The following RPA3 variants were observed in gnomAD, a reference collection of about 807,000 sequenced individuals.
The protein encoded by RPA3 is replication protein A 14 kDa subunit.
Under a neutral mutation model 13.7 loss-of-function variants are expected in RPA3, and 24 were observed. The ratio of observed to expected loss-of-function variants is 1.75; its 90% CI spans 1.27 to 2.46. The LOEUF (loss-of-function observed/expected upper bound fraction) is 2.46, where lower values mean the gene tolerates loss of function less well. Among genes scored for constraint, RPA3 ranks in the 30% most tolerant of loss-of-function variants. The probability of loss-of-function intolerance (pLI) is 0.00; values close to 1 mark genes in which losing one functional copy is unlikely to be tolerated. For synonymous variants in RPA3, 59 were observed against 51.2 expected (o/e 1.15, Z -0.65); for missense variants, 183 against 151.0 (o/e 1.21, Z -1.11).
chr7:7,671,577 G>A (rs1544456), intron 4 of RPA3, among the ~76,000 whole-genome samples: 124,533 of 152,144 alleles, frequency 0.82, 51,366 homozygotes, highest in Non-Finnish European at 0.88. Flanking sequence ...TGTGTAAGTC[G>A]TTTAATTTGA....
intron 4 of RPA3, among the ~76,000 whole-genome samples, chr7:7,673,017 G>T (rs1278230929): frequency 2.0e-5 from 3 of 152,156 alleles, no homozygotes; most frequent in Non-Finnish European, 4.4e-5. Flanking sequence ...CCAGATTCTC[G>T]TGTTATCTGT....
chr7:7,706,808 T>C (rs1436693102), intron 2 of RPA3, among the ~76,000 whole-genome samples: 1 of 152,200 alleles, frequency 6.6e-6, no homozygotes, highest in African/African-American at 2.4e-5. Flanking sequence ...CCGTATGTTC[T>C]ACATCCTATC....
At chr7:7,714,703 C>A (rs775458480) in intron 2 of RPA3, among the ~76,000 whole-genome samples, 42 of 152,006 alleles carry the variant, frequency 2.8e-4, no homozygotes, top group Non-Finnish European at 5.9e-4. Flanking sequence ...TCCCTAACTG[C>A]AAATAAAGGC....
intron 4 of RPA3, among the ~76,000 whole-genome samples, chr7:7,675,925 C>G (rs931694501): frequency 5.9e-5 from 9 of 152,188 alleles, no homozygotes; most frequent in Non-Finnish European, 1.2e-4. Flanking sequence ...CTCATTTCCC[C>G]CCAGGTGCAA....
chr7:7,668,002 C>T (rs781695703), intron 4 of RPA3, among the ~76,000 whole-genome samples: 11 of 152,106 alleles, frequency 7.2e-5, no homozygotes, highest in East Asian at 5.8e-4. Flanking sequence ...CTTTCACCCC[C>T]GCCTTCTGGG....
intron 4 of RPA3, among the ~76,000 whole-genome samples, chr7:7,678,366 A>T (rs534350439): frequency 1.0e-4 from 15 of 148,714 alleles, no homozygotes; most frequent in African/African-American, 3.7e-4. Flanking sequence ...TAATATGCCT[A>T]TTGGTCATTT....
intron 1 of RPA3, among the ~76,000 whole-genome samples, chr7:7,717,846 A>G (rs1168906152): frequency 6.6e-6 from 1 of 152,174 alleles, no homozygotes. Flanking sequence ...GCTTAAGTTT[A>G]TGATTGGCCA....
At chr7:7,690,558 G>T (rs943041967) in intron 2 of RPA3, among the ~76,000 whole-genome samples, 1 of 152,052 alleles carries the variant, frequency 6.6e-6, no homozygotes. Flanking sequence ...ATTATAAGGT[G>T]GGGGTGATGC....
intron 2 of RPA3, among the ~76,000 whole-genome samples, chr7:7,712,172 T>C (rs968487017): frequency 1.3e-5 from 2 of 152,180 alleles, no homozygotes; most frequent in African/African-American, 4.8e-5. Flanking sequence ...TCTGCTTTTC[T>C]ATATAATGAA....
At chr7:7,661,444 A>T (rs1007968517) in intron 4 of RPA3, among the ~76,000 whole-genome samples, 5 of 152,086 alleles carry the variant, frequency 3.3e-5, no homozygotes, top group Admixed American at 3.3e-4. Context: ...ATCTTTGTGG[A>T]TTCATCTACC....
chr7:7,711,972 A>G (rs1180744798), intron 2 of RPA3, among the ~76,000 whole-genome samples: 1 of 151,940 alleles, frequency 6.6e-6, no homozygotes, highest in African/African-American at 2.4e-5. Context: ...TTTTGTAGGG[A>G]TAACCTATTT....
chr7:7,703,585 C>A (rs1019015007), intron 2 of RPA3, among the ~76,000 whole-genome samples: 1 of 152,200 alleles, frequency 6.6e-6, no homozygotes, highest in Non-Finnish European at 1.5e-5. Flanking sequence ...CAGGCACTTA[C>A]AACACAGGTG....
At chr7:7,676,859 G>T (rs1779753676) in intron 4 of RPA3, among the ~76,000 whole-genome samples, 1 of 152,058 alleles carries the variant, frequency 6.6e-6, no homozygotes, top group Non-Finnish European at 1.5e-5. Context: ...ATAGTTAATT[G>T]TCTTTAAAGT....
chr7:7,670,059 T>G (rs1013729127), intron 4 of RPA3, among the ~76,000 whole-genome samples: 5 of 152,192 alleles, frequency 3.3e-5, no homozygotes, highest in African/African-American at 1.2e-4. Context: ...ATGTTTTAGG[T>G]CATTAAAAAT....
intron 4 of RPA3, among the ~76,000 whole-genome samples, chr7:7,649,432 G>T (rs1334253396): frequency 6.6e-6 from 1 of 152,104 alleles, no homozygotes. Context: ...TCATAACCTG[G>T]TTACCTTTTA....
chr7:7,713,668 GTTGT>G (rs1256781368), intron 2 of RPA3, among the ~76,000 whole-genome samples: 1 of 151,544 alleles, frequency 6.6e-6, no homozygotes, highest in Non-Finnish European at 1.5e-5. Context: ...TTTTAAGTTG[GTTGT>G]TTGTCCTTGG....
chr7:7,637,747 G>A, intron 7 of RPA3, 117 bp downstream of exon 7: 1 of 507,728 alleles, frequency 2.0e-6, no homozygotes. Flanking sequence ...AAAACTGTAT[G>A]TTATGTAATT....
chr7:7,637,208 A>G, intron 7 of RPA3, 126 bp from the exon 8 acceptor site: 1 of 696,922 alleles, frequency 1.4e-6, no homozygotes, highest in Non-Finnish European at 2.5e-6. Context: ...AAAAATGGAG[A>G]TATGGATTAT....
chr7:7,694,525 C>T (rs927193978), intron 2 of RPA3, among the ~76,000 whole-genome samples: 5 of 151,936 alleles, frequency 3.3e-5, no homozygotes, highest in African/African-American at 1.2e-4. Flanking sequence ...CCATTCCCCA[C>T]CCCACCCCCA....
Sources: gnomAD v4.1 joint callset for allele counts (sites outside exome capture counted in the v4.1 genomes callset) on GRCh38, gnomAD v4.1.1 for gene constraint, MANE v1.5 for transcripts, NCBI Gene and HGNC (gene_info 2026-07-23, HGNC 2026-07-21) for gene names.